RYR2: variants seen among roughly 807,000 people sequenced by gnomAD.
The protein encoded by RYR2 is cardiac muscle ryanodine receptor-calcium release channel.
In RYR2, 227 loss-of-function variants were observed where a neutral mutation model predicts 601.1. That is an observed-to-expected ratio of 0.38 (90% CI 0.34 to 0.42). The LOEUF (loss-of-function observed/expected upper bound fraction) is 0.42, where lower values mean the gene tolerates loss of function less well. Among genes scored for constraint, RYR2 ranks in the 10% least tolerant of loss-of-function variants. The probability of loss-of-function intolerance (pLI) is 1.00; values close to 1 mark genes in which losing one functional copy is unlikely to be tolerated. For missense variants in RYR2, 4,646 were observed against 6,156.5 expected (o/e 0.75, Z 8.21); for synonymous variants, 2,223 against 2,175.1 (o/e 1.02, Z -0.61).
intron 25 of RYR2, among the ~76,000 whole-genome samples, chr1:237,534,671 T>G (rs1184861409): frequency 6.6e-6 from 1 of 152,054 alleles, no homozygotes; most frequent in Non-Finnish European, 1.5e-5. Flanking sequence ...AATTATTTAC[T>G]TATTTACCAC....
At chr1:237,608,263 G>A (rs1265070876) in intron 35 of RYR2, among the ~76,000 whole-genome samples, 1 of 152,218 alleles carries the variant, frequency 6.6e-6, no homozygotes, top group East Asian at 1.9e-4. Context: ...CATTTTAGTA[G>A]ACGCCAAGCG....
intron 48 of RYR2, among the ~76,000 whole-genome samples, chr1:237,646,985 C>T (rs977575363): frequency 2.6e-5 from 4 of 152,198 alleles, no homozygotes; most frequent in African/African-American, 9.6e-5. Context: ...TGGATAAGAG[C>T]TTAAAAAGCA....
intron 1 of RYR2, among the ~76,000 whole-genome samples, chr1:237,121,350 C>A (rs1356095149): frequency 1.3e-5 from 2 of 152,146 alleles, no homozygotes; most frequent in East Asian, 1.9e-4. Flanking sequence ...GTGGCTGGCA[C>A]TTTCCAAAAA....
In RYR2 at chr1:237,266,650, TG is replaced by T. The variant is rs556243978; in HGVS notation, c.49-3846del. Among the ~76,000 whole-genome samples, 15 of 152,330 alleles carry T rather than the reference TG, an allele frequency of 9.8e-5. No homozygotes were observed. In the South Asian group the frequency reaches 3.1e-3, roughly 32 times the overall value. ...TACTTTCTGTCCAAAAGGAACCTTTTGATTACTGGAAAGTAAAATAGAAGCA... is the reference window on the plus strand; with the variant it reads ...TACTTTCTGTCCAAAAGGAACCTTTTATTACTGGAAAGTAAAATAGAAGCA... On this transcript the variant is annotated intron_variant, in intron 1 of 104. Transcript: ENST00000366574.
chr1:237,513,267 A>G (rs1666091765), intron 24 of RYR2, among the ~76,000 whole-genome samples: 1 of 152,234 alleles, frequency 6.6e-6, no homozygotes, highest in Non-Finnish European at 1.5e-5. Flanking sequence ...CAAAGCCAGT[A>G]ACTTTACTCT....
Position 237,643,391 on chromosome 1 carries a change from T to G in RYR2, c.7286T>G (p.Leu2429Arg). 1 of 1,613,918 alleles carries G rather than the reference T, an allele frequency of 6.2e-7. No homozygotes were observed. The highest frequency in any genetic ancestry group is 8.5e-7 in the Non-Finnish European group (1 of 1,179,846). ...TCCATTTTGAGATCCCTCATTCCCCTGGGAGATTTGGTGGGCGTTATCAGC... is the reference window on the plus strand; with the variant it reads ...TCCATTTTGAGATCCCTCATTCCCCGGGGAGATTTGGTGGGCGTTATCAGC... ...IRSILRSLIP[L>R]GDLVGVISIA... Residue 2429 changes from leucine (L) to arginine (R), a missense_variant, in exon 48 of 105, where the codon CTG (leucine) becomes CGG (arginine). By Grantham distance (102) the Leu-to-Arg change is moderately radical. This residue lies in a region of RYR2 where 1,497 missense variants were observed against 1,842.6 expected (regional missense o/e 0.81). Coordinates refer to ENST00000366574, the MANE Select transcript of RYR2 (RefSeq NM_001035.3).
At chr1:237,821,053 T>C (rs1444321416) in intron 101 of RYR2, among the ~76,000 whole-genome samples, 1 of 152,126 alleles carries the variant, frequency 6.6e-6, no homozygotes, top group African/African-American at 2.4e-5. Context: ...AACCCTCATC[T>C]CCTTGGGAGA....
At chr1:237,638,954 T>C in intron 45 of RYR2, 61 bp from the exon 46 acceptor site, 1 of 1,557,312 alleles carries the variant, frequency 6.4e-7, no homozygotes, top group Non-Finnish European at 8.8e-7. Flanking sequence ...GTATAACATT[T>C]ATTTGTTCAG....
At position 237,754,312 on chromosome 1, in the gene RYR2, A is replaced by G. The variant is rs1692769311; in HGVS notation, c.11146-1976A>G. Reference sequence around the variant, plus strand: ...CTATTTCTTGGTCCTTGTAAGGTTCATACATCATGTGTTGATTTCAGTTAG... The same window carrying G: ...CTATTTCTTGGTCCTTGTAAGGTTCGTACATCATGTGTTGATTTCAGTTAG... On this transcript the variant is annotated intron_variant, in intron 80 of 104. Coordinates refer to ENST00000366574, the MANE Select transcript of RYR2 (RefSeq NM_001035.3). Among the ~76,000 whole-genome samples, 3 of 152,184 alleles carry G rather than the reference A, an allele frequency of 2.0e-5. No individual in the cohort carries two copies. The South Asian group carries it at 6.2e-4, about 31-fold the overall frequency.
At chr1:237,420,794 T>A (rs1705480957) in intron 11 of RYR2, among the ~76,000 whole-genome samples, 1 of 152,172 alleles carries the variant, frequency 6.6e-6, no homozygotes, top group Non-Finnish European at 1.5e-5. Flanking sequence ...GTTTTGAAAA[T>A]GAAGGTGTGT....
At chr1:237,678,698 A>C (rs1032837168) in intron 61 of RYR2, among the ~76,000 whole-genome samples, 3 of 152,210 alleles carry the variant, frequency 2.0e-5, no homozygotes, top group Non-Finnish European at 4.4e-5. Context: ...GGACATGAAG[A>C]GTTGTAAAGT....
At chr1:237,666,447 T>C (rs1304097372) in intron 56 of RYR2, 65 bp from the exon 57 acceptor site, 5 of 1,383,234 alleles carry the variant, frequency 3.6e-6, no homozygotes, top group East Asian at 2.4e-5. Context: ...ATTTTTAAAG[T>C]ATAAGTTAAG....
intron 1 of RYR2, among the ~76,000 whole-genome samples, chr1:237,085,310 T>A (rs1442654534): frequency 6.6e-6 from 1 of 152,096 alleles, no homozygotes; most frequent in Non-Finnish European, 1.5e-5. Context: ...TCAAAAGGAG[T>A]CAAGTCTTTG....
At chr1:237,047,462 A>G (rs142762004) in intron 1 of RYR2, among the ~76,000 whole-genome samples, 2 of 136,542 alleles carry the variant, frequency 1.5e-5, no homozygotes, top group Non-Finnish European at 3.1e-5. Flanking sequence ...AATTTCTCCC[A>G]TCTTAAAATG....
chr1:237,225,427 G>C lies in RYR2; in HGVS notation c.49-45070G>C, dbSNP rs553981165. 1.4e-4 allele frequency among the ~76,000 whole-genome samples: 21 copies of C among 152,280 alleles called. No homozygotes were observed. The South Asian group carries it at 3.9e-3, about 29-fold the overall frequency. On this transcript the variant is annotated intron_variant, in intron 1 of 104. Coordinates refer to ENST00000366574, the MANE Select transcript of RYR2 (RefSeq NM_001035.3). ...ACGTCTTACATGGCGGCAGACAAGA[G>C]AGAATGAGGGTGAAGTGAAAGGGAT...
chr1:237,454,681 A>G (rs1215790118), intron 15 of RYR2, 107 bp downstream of exon 15: 1 of 1,083,022 alleles, frequency 9.2e-7, no homozygotes, highest in East Asian at 2.6e-5. Flanking sequence ...GTTTTGCAAT[A>G]TAGAGGAGAA....
At chr1:237,693,248 A>C (rs1687110660) in intron 63 of RYR2, among the ~76,000 whole-genome samples, 1 of 151,996 alleles carries the variant, frequency 6.6e-6, no homozygotes, top group South Asian at 2.1e-4. Context: ...AGGTCCATGA[A>C]AACACTTAGG....
rs545043539 is a variant in RYR2 at position 237,536,864 on chromosome 1, C to A, written c.2906+6354C>A. 5.3e-5 allele frequency among the ~76,000 whole-genome samples: 8 copies of A among 150,602 alleles called. No homozygotes were observed. The South Asian group carries it at 6.3e-4, about 12-fold the overall frequency. On this transcript the variant is annotated intron_variant, in intron 25 of 104. Coordinates refer to ENST00000366574, the MANE Select transcript of RYR2 (RefSeq NM_001035.3). ...TCGCGCCACTGCACTCCAGCCTGGG[C>A]GACAGAGCGAGACTCCATCTCAAAA... is the stretch of plus-strand genomic sequence containing the variant.
At chr1:237,723,994 C>A (rs1336280643) in intron 74 of RYR2, among the ~76,000 whole-genome samples, 1 of 151,716 alleles carries the variant, frequency 6.6e-6, no homozygotes, top group Non-Finnish European at 1.5e-5. Flanking sequence ...TTATCTATTT[C>A]TCATCAAGTC....
Sources: gnomAD v4.1 joint callset for allele counts (sites outside exome capture counted in the v4.1 genomes callset) on GRCh38, gnomAD v4.1.1 for gene constraint, gnomAD v4.1.1 regional missense constraint, MANE v1.5 for transcripts, NCBI Gene and HGNC (gene_info 2026-07-23, HGNC 2026-07-21) for gene names.